The following STARD13 variants were observed in gnomAD, a reference collection of about 807,000 sequenced individuals.
The protein encoded by STARD13 is StAR related lipid transfer domain containing 13, also known as stAR-related lipid transfer protein 13.
A neutral mutation model predicts 106.4 loss-of-function variants in STARD13; 62 were observed. That is an observed-to-expected ratio of 0.58 (90% CI 0.48 to 0.72). The LOEUF is 0.72. STARD13 is among the 30% of genes least tolerant of loss of function. The probability of loss-of-function intolerance (pLI) is 0.00; values close to 1 mark genes in which losing one functional copy is unlikely to be tolerated. For synonymous variants in STARD13, 565 were observed against 553.0 expected, an observed-to-expected ratio of 1.02 and a Z score of -0.31; for missense variants, 1,387 against 1,424.0, an observed-to-expected ratio of 0.97 and a Z score of 0.42.
the STARD13 span, among the ~76,000 whole-genome samples, chr13:33,649,286 T>C: frequency 6.6e-6 from 1 of 152,194 alleles, no homozygotes; most frequent in Non-Finnish European, 1.5e-5. Flanking sequence ...TTATTGTTTT[T>C]TCAGTCTGAA....
intron 1 of STARD13, among the ~76,000 whole-genome samples, chr13:33,321,414 G>A (rs534692337): frequency 3.3e-5 from 5 of 151,756 alleles, no homozygotes; most frequent in Admixed American, 2.0e-4. Context: ...GCTGAGGCAC[G>A]AGAATCGCTT....
At chr13:33,151,403 A>G (rs1042429819) in intron 3 of STARD13, among the ~76,000 whole-genome samples, 1 of 152,080 alleles carries the variant, frequency 6.6e-6, no homozygotes, top group African/African-American at 2.4e-5. Context: ...CAGGAGGGAG[A>G]GATAGAAAAG....
the STARD13 span, among the ~76,000 whole-genome samples, chr13:33,497,682 C>A: frequency 7.9e-5 from 12 of 152,132 alleles, no homozygotes; most frequent in African/African-American, 2.9e-4. Flanking sequence ...ATTAGTCTTT[C>A]CCTGTCTGTC....
upstream of STARD13, among the ~76,000 whole-genome samples, chr13:33,353,649 A>G (rs137927029): frequency 1.3e-5 from 2 of 152,228 alleles, no homozygotes; most frequent in African/African-American, 4.8e-5. Flanking sequence ...CATTTGGCAC[A>G]TAGAAAAGAC....
the STARD13 span, among the ~76,000 whole-genome samples, chr13:33,363,088 G>A: frequency 6.6e-6 from 1 of 152,224 alleles, no homozygotes. Flanking sequence ...GCTGGGCCAA[G>A]TCACTATCAC....
the STARD13 span, chr13:33,611,221 C>T: frequency 6.6e-6 from 1 of 152,478 alleles, no homozygotes; most frequent in East Asian, 1.9e-4. Context: ...GCAGGCTCCC[C>T]CAGTGCTGAA....
the STARD13 span, chr13:33,658,381 C>T: frequency 3.7e-4 from 57 of 152,334 alleles, no homozygotes; most frequent in African/African-American, 1.3e-3. Context: ...TGGGTGAGTA[C>T]AAATATGATT....
intron 3 of STARD13, among the ~76,000 whole-genome samples, chr13:33,160,062 A>G (rs896526127): frequency 2.6e-5 from 4 of 152,334 alleles, no homozygotes; most frequent in Admixed American, 2.6e-4. Context: ...AGAACTCAGA[A>G]TATTGCATTC....
chr13:33,222,587 A>C (rs537320426), intron 1 of STARD13, among the ~76,000 whole-genome samples: 12 of 152,338 alleles, frequency 7.9e-5, no homozygotes, highest in Admixed American at 5.2e-4. Flanking sequence ...CCAATATATA[A>C]TATTAGCAGA....
the STARD13 span, among the ~76,000 whole-genome samples, chr13:33,462,873 G>T: frequency 1.3e-5 from 2 of 151,834 alleles, no homozygotes; most frequent in African/African-American, 4.8e-5. Context: ...ACACCCTCAC[G>T]GACACACCCA....
chr13:33,470,609 C>T, the STARD13 span, among the ~76,000 whole-genome samples: 352 of 152,226 alleles, frequency 2.3e-3, 3 homozygotes, highest in African/African-American at 8.1e-3. Context: ...TTTTAATGAT[C>T]GCCATTCTAA....
At chr13:33,599,117 A>G in the STARD13 span, among the ~76,000 whole-genome samples, 20 of 152,308 alleles carry the variant, frequency 1.3e-4, no homozygotes, top group African/African-American at 4.6e-4. Context: ...ACCATATCAT[A>G]TTGCGCTGGG....
intron 7 of STARD13, among the ~76,000 whole-genome samples, chr13:33,125,713 T>C (rs1217240787): frequency 6.6e-6 from 1 of 151,802 alleles, no homozygotes; most frequent in Non-Finnish European, 1.5e-5. Flanking sequence ...TCAAAAATAA[T>C]AGGGATAAAA....
intron 1 of STARD13, among the ~76,000 whole-genome samples, chr13:33,251,418 C>T (rs889346649): frequency 1.3e-5 from 2 of 152,188 alleles, no homozygotes; most frequent in Non-Finnish European, 2.9e-5. Flanking sequence ...TTTACTAAAA[C>T]AGTCTGCCAG....
the STARD13 span, among the ~76,000 whole-genome samples, chr13:33,534,537 A>G: frequency 4.6e-5 from 7 of 152,186 alleles, no homozygotes; most frequent in Admixed American, 1.3e-4. Flanking sequence ...AGATATTTGA[A>G]ACTACATGCT....
the STARD13 span, among the ~76,000 whole-genome samples, chr13:33,368,222 C>T: frequency 6.6e-6 from 1 of 152,204 alleles, no homozygotes; most frequent in Non-Finnish European, 1.5e-5. Context: ...AGCCTCCCTC[C>T]TCGATCCTGG....
At chr13:33,269,307 T>C (rs1041978375) in intron 1 of STARD13, among the ~76,000 whole-genome samples, 3 of 152,222 alleles carry the variant, frequency 2.0e-5, no homozygotes, top group South Asian at 2.1e-4. Context: ...TTAAGGAATA[T>C]GTTTATACAG....
the STARD13 span, among the ~76,000 whole-genome samples, chr13:33,465,201 C>CTTT: frequency 0.015 from 930 of 60,500 alleles, 1 homozygote; most frequent in Non-Finnish European, 0.021. Context: ...TGGTCTTCTT[C>CTTT]TTTTTTTTTT....
chr13:33,427,269 G>A, the STARD13 span, among the ~76,000 whole-genome samples: 2 of 152,110 alleles, frequency 1.3e-5, no homozygotes, highest in South Asian at 4.1e-4. Flanking sequence ...TCAAACTCAG[G>A]CCTCTCTATC....
Sources: gnomAD v4.1 joint callset for allele counts (sites outside exome capture counted in the v4.1 genomes callset) on GRCh38, gnomAD v4.1.1 for gene constraint, MANE v1.5 for transcripts, NCBI Gene and HGNC (gene_info 2026-07-23, HGNC 2026-07-21) for gene names.